The following OPCML variants were observed in gnomAD, a reference collection of about 807,000 sequenced individuals.
OPCML encodes opioid binding protein/cell adhesion molecule like.
OPCML carries 13 observed loss-of-function variants against 37.8 expected under a neutral mutation model. The ratio of observed to expected loss-of-function variants is 0.34; its 90% confidence interval spans 0.22 to 0.55. The LOEUF (loss-of-function observed/expected upper bound fraction) is 0.55. OPCML is among the 20% of genes least tolerant of loss of function. OPCML has a pLI of 0.91. For missense variants in OPCML, 341 were observed against 435.6 expected, an observed-to-expected ratio of 0.78 and a Z score of 1.93; for synonymous variants, 176 against 168.8, an observed-to-expected ratio of 1.04 and a Z score of -0.33.
chr11:133,326,436 C>T lies in OPCML; in HGVS notation c.61+205828G>A, dbSNP rs975045603. On this transcript the variant is annotated intron_variant, in intron 1 of 7. Transcript: ENST00000524381. ...GTGTGGATATGCATGTGTGTGGGTG[C>T]GTGTATGTGTGTGTATGTGTGTGTG... 1.1e-4 allele frequency among the ~76,000 whole-genome samples: 10 copies of T among 92,102 alleles called. No individual in the cohort carries two copies. In the South Asian group the frequency reaches 1.1e-3, roughly 10 times the overall value. The allele number at this position is 92,102 out of a possible 152,430, so 60.4% of individuals were successfully genotyped here.
chr11:132,896,318 C>T (rs895409525), intron 2 of OPCML, among the ~76,000 whole-genome samples: 1 of 152,096 alleles, frequency 6.6e-6, no homozygotes, highest in Non-Finnish European at 1.5e-5. Flanking sequence ...GAGGGGAGCC[C>T]CAGCACCCCT....
chr11:133,082,864 C>A (rs991753981), intron 1 of OPCML, among the ~76,000 whole-genome samples: 39 of 150,032 alleles, frequency 2.6e-4, no homozygotes, highest in Non-Finnish European at 5.9e-5. Flanking sequence ...GGGGGCCCCT[C>A]CGAGCCGACC....
intron 3 of OPCML, among the ~76,000 whole-genome samples, chr11:132,530,552 T>C (rs1025580066): frequency 1.3e-5 from 2 of 152,148 alleles, no homozygotes; most frequent in African/African-American, 4.8e-5. Context: ...CACCCCAGAA[T>C]GGCCTACCAT....
chr11:132,569,911 T>C (rs2096433279), intron 3 of OPCML, among the ~76,000 whole-genome samples: 1 of 151,134 alleles, frequency 6.6e-6, no homozygotes, highest in Non-Finnish European at 1.5e-5. Flanking sequence ...ATGACAAATT[T>C]CACCACCCAG....
In OPCML at chr11:133,113,642, ATTAACTGGCTT is replaced by A. The variant is rs551745155; in HGVS notation, c.62-170643_62-170633del. On this transcript the variant is annotated intron_variant, in intron 1 of 7. Transcript: ENST00000524381. The stretch of plus-strand genomic sequence containing the variant: ...AAGCTACAGCCAAACACTAGCAATA[ATTAACTGGCTT>A]TCTGTTGTCGAAGGATAAGGCAATT... Among the ~76,000 whole-genome samples the A allele has an allele frequency of 1.2e-3, 185 of 152,354 alleles. 1 individual carries two copies. Among genetic ancestry groups the A allele is most frequent in the African/African-American group, 4.1e-3 (169 of 41,588 alleles).
chr11:133,379,610 A>G (rs1944890516), intron 1 of OPCML, among the ~76,000 whole-genome samples: 1 of 152,008 alleles, frequency 6.6e-6, no homozygotes, highest in African/African-American at 2.4e-5. Flanking sequence ...GGCCTCTTTC[A>G]CTTTAATTTC....
chr11:132,768,720 T>C lies in OPCML; in HGVS notation c.147-111401A>G, dbSNP rs114220744. 1.7e-3 allele frequency among the ~76,000 whole-genome samples: 263 copies of C among 152,194 alleles called. 1 individual carries two copies. The highest frequency in any genetic ancestry group is 6.1e-3 in the African/African-American group (252 of 41,548). On this transcript the variant is annotated intron_variant, in intron 2 of 7. Transcript: ENST00000524381. ...TATCTCCTTTCACACTCATTGCTGC[T>C]TGAATAAAAGAAGGAAAACGAAGCA...
rs73586459 is a variant in OPCML at position 132,972,806 on chromosome 11, C to T, written c.62-29796G>A. Among the ~76,000 whole-genome samples, 995 of 152,256 alleles carry T rather than the reference C, an allele frequency of 6.5e-3. 9 individuals carry two copies. The highest frequency in any genetic ancestry group is 0.023 in the African/African-American group (947 of 41,548). ...GAGTTCTGTGATCTTCATGGGAAAC[C>T]GCAGCCCCCTGCTCCCTCTGCTTGA... On this transcript the variant is annotated intron_variant, in intron 1 of 7. Transcript: ENST00000524381.
At chr11:132,852,409 T>C (rs1043629509) in intron 2 of OPCML, among the ~76,000 whole-genome samples, 6 of 151,970 alleles carry the variant, frequency 3.9e-5, no homozygotes, top group African/African-American at 1.5e-4. Context: ...CCCCATGGGG[T>C]CCCTGAGATT....
chr11:133,239,375 C>T (rs1185393361), intron 1 of OPCML, among the ~76,000 whole-genome samples: 1 of 152,200 alleles, frequency 6.6e-6, no homozygotes, highest in Non-Finnish European at 1.5e-5. Flanking sequence ...TGCTTGGACC[C>T]CTACCATTTT....
At chr11:133,287,464 C>G (rs1196237784) in intron 1 of OPCML, among the ~76,000 whole-genome samples, 1 of 150,224 alleles carries the variant, frequency 6.7e-6, no homozygotes, top group East Asian at 1.9e-4. Context: ...TTGATAGCCC[C>G]CTGAGGCTCA....
intron 1 of OPCML, among the ~76,000 whole-genome samples, chr11:133,156,114 A>G (rs1309035948): frequency 6.6e-6 from 1 of 152,148 alleles, no homozygotes; most frequent in Non-Finnish European, 1.5e-5. Flanking sequence ...CTCCTTACAC[A>G]ATTTTTAAAG....
chr11:133,417,487 AT>A, intron 1 of OPCML, among the ~76,000 whole-genome samples: 1 of 151,890 alleles, frequency 6.6e-6, no homozygotes, highest in East Asian at 1.9e-4. Context: ...TTATTTATTT[AT>A]TTATTATTAT....
intron 1 of OPCML, among the ~76,000 whole-genome samples, chr11:133,365,111 C>T (rs1015783325): frequency 4.0e-5 from 6 of 151,788 alleles, no homozygotes; most frequent in African/African-American, 1.2e-4. Context: ...CCCTGGGAAC[C>T]ACTGCTGTGC....
intron 1 of OPCML, among the ~76,000 whole-genome samples, chr11:133,164,745 C>G (rs1950186984): frequency 6.6e-6 from 1 of 152,206 alleles, no homozygotes; most frequent in African/African-American, 2.4e-5. Context: ...GACCCAAAGT[C>G]AGTAAAAGCA....
At chr11:132,829,941 G>A (rs1203737146) in intron 2 of OPCML, among the ~76,000 whole-genome samples, 1 of 152,008 alleles carries the variant, frequency 6.6e-6, no homozygotes, top group African/African-American at 2.4e-5. Context: ...TTAATATTGT[G>A]TATTGGTAAC....
intron 1 of OPCML, among the ~76,000 whole-genome samples, chr11:133,158,893 G>T (rs1465491101): frequency 6.6e-6 from 1 of 151,964 alleles, no homozygotes; most frequent in Non-Finnish European, 1.5e-5. Context: ...ACCAGCGAGG[G>T]CAGAAATGTG....
At chr11:133,344,367 T>A (rs1253939818) in intron 1 of OPCML, among the ~76,000 whole-genome samples, 1 of 152,202 alleles carries the variant, frequency 6.6e-6, no homozygotes, top group Non-Finnish European at 1.5e-5. Flanking sequence ...ACGGCTTCCC[T>A]CCTTAACCTA....
At chr11:132,901,997 G>A (rs1168352708) in intron 2 of OPCML, among the ~76,000 whole-genome samples, 1 of 152,144 alleles carries the variant, frequency 6.6e-6, no homozygotes, top group East Asian at 1.9e-4. Context: ...TTGCGTCATG[G>A]GGCATTATGT....
Sources: allele counts gnomAD v4.1 joint callset (sites outside exome capture counted in the v4.1 genomes callset), GRCh38; gene constraint gnomAD v4.1.1; transcripts MANE v1.5; gene names NCBI Gene and HGNC (gene_info 2026-07-23, HGNC 2026-07-21).